The following ECHDC2 variants were observed in gnomAD, a reference collection of about 807,000 sequenced individuals.
ECHDC2 encodes enoyl-CoA hydratase domain containing 2, also known as enoyl-CoA hydratase domain-containing protein 2, mitochondrial.
Under a neutral mutation model 40.6 loss-of-function variants are expected in ECHDC2, and 34 were observed. That is an observed-to-expected ratio of 0.84 (90% CI 0.64 to 1.11). The LOEUF (loss-of-function observed/expected upper bound fraction) is 1.11. Among genes scored for constraint, ECHDC2 ranks in the 50% most tolerant of loss-of-function variants. ECHDC2 has a pLI of 0.00. For missense variants in ECHDC2, 392 were observed against 400.7 expected (o/e 0.98, Z 0.19); for synonymous variants, 162 against 166.6 (o/e 0.97, Z 0.21).
chr1:52,917,414 A>G, intron 1 of ECHDC2: 1 of 364,320 alleles, frequency 2.7e-6, no homozygotes, highest in South Asian at 2.0e-5. Context: ...CAGACACACG[A>G]AACATAAAAG....
intron 7 of ECHDC2, chr1:52,900,560 A>G (rs1462813017): frequency 1.3e-5 from 2 of 152,222 alleles, no homozygotes; most frequent in African/African-American, 4.8e-5. Context: ...ATTTATTTAA[A>G]TATGTAAGCA....
At chr1:52,898,049 CTG>C (rs1211941349) in intron 8 of ECHDC2, 3 of 172,488 alleles carry the variant, frequency 1.7e-5, no homozygotes, top group Non-Finnish European at 3.8e-5. Flanking sequence ...TTATCCTCCT[CTG>C]TGCCTTTGCC....
chr1:52,913,808 G>A (rs1650093182), intron 1 of ECHDC2: 4 of 547,666 alleles, frequency 7.3e-6, no homozygotes, highest in Non-Finnish European at 9.8e-6. Flanking sequence ...TTCGCTCTTG[G>A]TGGTGTACAC....
rs758245122 is a variant in ECHDC2, at chr1:52,911,659, G to A, written c.190-6C>T. ...TGGGCCAGAGTTTCCAGCAGCTACA[G>A]AGGACACCCAGTTAGATAGTGCCAG... On this transcript the variant is annotated splice_region_variant and splice_polypyrimidine_tract_variant and intron_variant, in intron 2 of 9. Coordinates refer to ENST00000371522, the MANE Select transcript of ECHDC2 (RefSeq NM_001198961.2). 6.2e-7 allele frequency: 1 copy of A among 1,614,202 alleles called. No homozygotes were observed. Among genetic ancestry groups the A allele is most frequent in the Admixed American group, 1.7e-5 (1 of 60,028 alleles).
Position 52,914,023 on chromosome 1 carries a change from G to T in ECHDC2, c.122-2233C>A. 1 of 1,226,356 alleles carries T rather than the reference G, an allele frequency of 8.2e-7. No homozygotes were observed. The highest frequency in any genetic ancestry group is 1.1e-6 in the Non-Finnish European group (1 of 941,616). 76.0% of individuals were successfully genotyped at this position (1,226,356 alleles called of 1,614,324 possible). On this transcript the variant is annotated intron_variant, in intron 1 of 9. Transcript: ENST00000371522. This position sits in a 1 kb window ranked among gnomAD's most constrained non-coding sequence, Gnocchi z 4.0. ...TTGTACATTTATATATTTGCTGTGTGCTGGCCTCTACTAGACACCGTGATT... is the reference window on the plus strand; with the variant it reads ...TTGTACATTTATATATTTGCTGTGTTCTGGCCTCTACTAGACACCGTGATT...
Position 52,921,628 on chromosome 1 carries a change from C to A in ECHDC2, c.46G>T (p.Ala16Ser). ...GCCCCGTCGGAAGCGCAGCCGCGGG[C>A]CCGAAGGGGCCTCCAGGGGCGCAGG... ...CLLRPWRPLR[A>S]RGCASDGAAG... Residue 16 changes from alanine to serine, a missense_variant, in exon 1 of 10, where the codon GCC becomes TCC. Coordinates refer to ENST00000371522, the MANE Select transcript of ECHDC2 (RefSeq NM_001198961.2). 6.3e-7 allele frequency: 1 copy of A among 1,592,582 alleles called. No homozygotes were observed. The highest frequency in any genetic ancestry group is 8.5e-7 in the Non-Finnish European group (1 of 1,170,470).
chr1:52,904,954 C>G, intron 6 of ECHDC2, 80 bp downstream of exon 6: 1 of 1,606,760 alleles, frequency 6.2e-7, no homozygotes, highest in East Asian at 2.2e-5. Context: ...AGGGCAGAGC[C>G]CAGAACAGAG....
intron 3 of ECHDC2, among the ~76,000 whole-genome samples, chr1:52,910,354 T>C (rs1270879522): frequency 1.1e-4 from 3 of 28,058 alleles, no homozygotes; most frequent in Admixed American, 5.4e-4. Context: ...ACAATTTCGT[T>C]TTTTTTTTTT....
chr1:52,902,932 A>C (rs2150042496), intron 7 of ECHDC2, among the ~76,000 whole-genome samples: 1 of 152,340 alleles, frequency 6.6e-6, no homozygotes, highest in Middle Eastern at 3.4e-3. Flanking sequence ...CTGAGATACT[A>C]CATTAAGGTA....
chr1:52,909,523 T>TAAAAAAA (rs35263010), intron 3 of ECHDC2, among the ~76,000 whole-genome samples: 4 of 135,298 alleles, frequency 3.0e-5, no homozygotes, highest in African/African-American at 1.1e-4. Context: ...CTGATGAGCT[T>TAAAAAAA]AAAAAAAAAA....
chr1:52,897,585 G>GAGAT lies in ECHDC2; in HGVS notation c.754-105_754-102dup, dbSNP rs1394206730. 4.9e-5 allele frequency: 55 copies of GAGAT among 1,122,802 alleles called. No homozygotes were observed. The Middle Eastern group carries it at 8.9e-4, about 18-fold the overall frequency. 69.6% of individuals were successfully genotyped at this position (1,122,802 alleles called of 1,614,324 possible). A position where few individuals can be genotyped will look rare whatever the true frequency, so the allele number is the denominator to read the frequency against. On this transcript the variant is annotated intron_variant, in intron 8 of 9. Coordinates refer to ENST00000371522, the MANE Select transcript of ECHDC2 (RefSeq NM_001198961.2). ...TTGCCTACAGACATCTATATGAGCA[G>GAGAT]AGATAGCTATGAGAAGGAATTTCCC...
chr1:52,904,538 A>C, intron 7 of ECHDC2, 108 bp downstream of exon 7: 1 of 1,015,276 alleles, frequency 9.8e-7, no homozygotes, highest in Non-Finnish European at 1.4e-6. Flanking sequence ...AAGAGGGTTA[A>C]TCATATGTCT....
intron 8 of ECHDC2, chr1:52,898,613 T>C (rs1646788961): frequency 1.2e-5 from 2 of 162,852 alleles, no homozygotes; most frequent in Admixed American, 1.1e-4. Flanking sequence ...CCATTATCCT[T>C]GATTTGTGTC....
intron 1 of ECHDC2, chr1:52,913,373 T>C (rs1649985267): frequency 6.6e-6 from 1 of 152,190 alleles, no homozygotes; most frequent in Admixed American, 6.5e-5. Flanking sequence ...GTCACTTTCT[T>C]ACCTTCCATT....
At chr1:52,899,347 C>T in intron 7 of ECHDC2, 123 bp from the exon 8 acceptor site, 1 of 866,448 alleles carries the variant, frequency 1.2e-6, no homozygotes, top group Non-Finnish European at 1.8e-6. Context: ...AGCCATTCTG[C>T]TGACAGTTTC....
In ECHDC2 at chr1:52,911,606, G is replaced by A. The variant is rs1454181640; in HGVS notation, c.237C>T (p.Val79=). The change falls in exon 3 of 10, where the codon GTC becomes GTT. Residue 79 remains valine, a synonymous_variant. Transcript: ENST00000371522. ...CCTTCACTCCACTTCTGAAGAGCAG[G>A]ACACGCACTTGCCGGTCCTCCCGCA... ...AQLREDRQVR[V]LLFRSGVKGV... 20 of 1,613,994 alleles carry A rather than the reference G, an allele frequency of 1.2e-5. No homozygotes were observed. Among genetic ancestry groups the A allele is most frequent in the Non-Finnish European group, 1.7e-5 (20 of 1,180,038 alleles).
chr1:52,916,529 A>G (rs1452383408), intron 1 of ECHDC2, among the ~76,000 whole-genome samples: 2 of 152,236 alleles, frequency 1.3e-5, no homozygotes, highest in African/African-American at 4.8e-5. Context: ...TAGGATTAAA[A>G]GAGATAATGC....
chr1:52,921,290 C>G, intron 1 of ECHDC2: 1 of 673,262 alleles, frequency 1.5e-6, no homozygotes, highest in Non-Finnish European at 2.1e-6. Context: ...GGACCCCGCT[C>G]CCCCTTCCAC....
At chr1:52,897,520 C>G in intron 8 of ECHDC2, 36 bp from the exon 9 acceptor site, 3 of 1,612,150 alleles carry the variant, frequency 1.9e-6, no homozygotes, top group Non-Finnish European at 2.5e-6. Context: ...TTGGTCTGAC[C>G]TTGTCCATCT....
Sources: gnomAD v4.1 joint callset for allele counts (sites outside exome capture counted in the v4.1 genomes callset) on GRCh38, gnomAD v4.1.1 for gene constraint, Gnocchi (gnomAD v3.1) non-coding constraint, MANE v1.5 for transcripts, NCBI Gene and HGNC (gene_info 2026-07-23, HGNC 2026-07-21) for gene names.